The following RUFY3 variants were observed in gnomAD, a reference collection of about 807,000 sequenced individuals.
RUFY3 encodes protein RUFY3.
RUFY3 carries 34 observed loss-of-function variants against 84.0 expected under a neutral mutation model. The ratio of observed to expected loss-of-function variants is 0.40; its 90% confidence interval spans 0.31 to 0.54. RUFY3 has a LOEUF of 0.54. RUFY3 is among the 20% of genes least tolerant of loss of function. RUFY3 has a pLI of 0.39. For synonymous variants in RUFY3, 242 were observed against 252.9 expected (o/e 0.96, Z 0.41); for missense variants, 507 against 736.8 (o/e 0.69, Z 3.61).
upstream of RUFY3, chr4:70,704,136 G>A (rs1196151354): frequency 6.6e-6 from 1 of 152,220 alleles, no homozygotes; most frequent in Non-Finnish European, 1.5e-5. Context: ...TAAATTCTAA[G>A]CTGTTTGATT....
intron 1 of RUFY3, among the ~76,000 whole-genome samples, chr4:70,753,976 C>G (rs10518078): frequency 0.073 from 11,162 of 152,014 alleles, 652 homozygotes; most frequent in East Asian, 0.2. Context: ...CAAGTCCTAA[C>G]TCAGTGAAGT....
chr4:70,776,427 T>C (rs550877505), intron 7 of RUFY3, among the ~76,000 whole-genome samples: 1 of 152,348 alleles, frequency 6.6e-6, no homozygotes, highest in South Asian at 2.1e-4. Flanking sequence ...TGTCCTTAAA[T>C]GACTATGGCT....
chr4:70,775,285 G>A (rs1180983432), intron 7 of RUFY3, 52 bp downstream of exon 7: 1 of 1,226,934 alleles, frequency 8.2e-7, no homozygotes, highest in South Asian at 1.3e-5. Flanking sequence ...GAAGGAGAAG[G>A]GAAGAGTAAG....
chr4:70,802,924 A>G (rs545581480), intron 15 of RUFY3, 32 bp from the exon 16 acceptor site: 10 of 1,544,544 alleles, frequency 6.5e-6, no homozygotes, highest in East Asian at 4.5e-5. Context: ...TGAAGTTCCT[A>G]TTTGTCACAA....
intron 10 of RUFY3, among the ~76,000 whole-genome samples, chr4:70,788,289 A>G (rs1730245294): frequency 6.6e-6 from 1 of 151,854 alleles, no homozygotes; most frequent in Non-Finnish European, 1.5e-5. Context: ...TGTCTCAAAA[A>G]AAAAAAAAAA....
chr4:70,762,114 A>G (rs1453396407), intron 1 of RUFY3, among the ~76,000 whole-genome samples: 1 of 152,190 alleles, frequency 6.6e-6, no homozygotes, highest in Non-Finnish European at 1.5e-5. Flanking sequence ...TCAAGAGCTC[A>G]AGACCAGCCT....
At chr4:70,797,196 G>A (rs1442071358) in intron 14 of RUFY3, among the ~76,000 whole-genome samples, 1 of 152,040 alleles carries the variant, frequency 6.6e-6, no homozygotes, top group Admixed American at 6.6e-5. Context: ...GCCTGCCTCA[G>A]CCTCCCAAAG....
At chr4:70,770,438 T>C (rs910384430) in intron 5 of RUFY3, among the ~76,000 whole-genome samples, 2 of 152,236 alleles carry the variant, frequency 1.3e-5, no homozygotes, top group Non-Finnish European at 2.9e-5. Flanking sequence ...CTTCTATTAT[T>C]TACATCAGTG....
intron 7 of RUFY3, among the ~76,000 whole-genome samples, chr4:70,775,697 A>G (rs1341302824): frequency 6.6e-6 from 1 of 151,986 alleles, no homozygotes; most frequent in African/African-American, 2.4e-5. Flanking sequence ...TGTAGTCCCA[A>G]CACTTTGGGA....
chr4:70,804,317 G>A, intron 16 of RUFY3, 31 bp from the exon 17 acceptor site: 2 of 1,608,020 alleles, frequency 1.2e-6, no homozygotes, highest in Non-Finnish European at 1.7e-6. Context: ...CTGGCACTAA[G>A]AAAAACTAAC....
At chr4:70,741,716 C>T in intron 1 of RUFY3, 2 of 1,429,624 alleles carry the variant, frequency 1.4e-6, no homozygotes, top group Non-Finnish European at 1.8e-6. Flanking sequence ...GCTTTTTCTC[C>T]TTGCTTTTTA....
chr4:70,782,963 TG>T, intron 8 of RUFY3, 127 bp from the exon 9 acceptor site: 1 of 589,592 alleles, frequency 1.7e-6, no homozygotes, highest in Non-Finnish European at 2.9e-6. Flanking sequence ...ACATTTTTAT[TG>T]GGTTATAGCT....
At chr4:70,718,443 A>G (rs1741886022), upstream of RUFY3, among the ~76,000 whole-genome samples, 1 of 152,096 alleles carries the variant, frequency 6.6e-6, no homozygotes. Flanking sequence ...TATTTTTTGG[A>G]TCTTCATTTT....
Position 70,793,800 on chromosome 4 carries a change from G to T in RUFY3, c.1353G>T (p.Glu451Asp). ...TCACATCCAGATTGCGCCAGGCTGA[G>T]CGAAGCCGCCAATCTGCTGAGTTGG... ...KQLEQRLRQA[E>D]RSRQSAELDN... is the part of the protein sequence containing the mutation. The change falls in exon 13 of 18, where the codon GAG becomes GAT. Residue 451 changes from glutamate (E) to aspartate (D), a missense_variant. By Grantham distance (45) the Glu-to-Asp change is conservative (BLOSUM62 2). Around this residue, in one of 4 missense-constraint regions of RUFY3, gnomAD observed 334 missense variants for 364.1 expected, o/e 0.92. Coordinates refer to ENST00000381006, the MANE Select transcript of RUFY3 (RefSeq NM_001037442.4). 1 of 1,614,014 alleles carries T rather than the reference G, an allele frequency of 6.2e-7. No homozygotes were observed. Among genetic ancestry groups the T allele is most frequent in the Non-Finnish European group, 8.5e-7 (1 of 1,179,990 alleles).
intron 17 of RUFY3, among the ~76,000 whole-genome samples, chr4:70,805,610 T>C (rs1333193845): frequency 6.6e-6 from 1 of 152,192 alleles, no homozygotes; most frequent in African/African-American, 2.4e-5. Context: ...AGATAACAAA[T>C]GAACTGCCCT....
intron 1 of RUFY3, among the ~76,000 whole-genome samples, chr4:70,729,960 G>A (rs1223523001): frequency 7.2e-6 from 1 of 139,328 alleles, no homozygotes; most frequent in Non-Finnish European, 1.5e-5. Context: ...TTGAGATGGA[G>A]TCTCGCTCTT....
chr4:70,777,324 A>T (rs188708335), intron 7 of RUFY3, among the ~76,000 whole-genome samples: 2 of 152,244 alleles, frequency 1.3e-5, no homozygotes, highest in Non-Finnish European at 2.9e-5. Flanking sequence ...AGAGCTATCC[A>T]AAAGCTATTG....
At chr4:70,774,670 T>TATATATATAA (rs766227141) in intron 6 of RUFY3, among the ~76,000 whole-genome samples, 121 of 81,046 alleles carry the variant, frequency 1.5e-3, no homozygotes, top group East Asian at 0.013. Context: ...TATATATATA[T>TATATATATAA]AAAATAAACA....
chr4:70,708,878 C>CA (rs1307954315), intron 1 of RUFY3, among the ~76,000 whole-genome samples: 2 of 149,616 alleles, frequency 1.3e-5, no homozygotes, highest in Non-Finnish European at 3.0e-5. Flanking sequence ...TCTGTCTCTA[C>CA]AAAAAAAAAA....
Sources: gnomAD v4.1 joint callset for allele counts (sites outside exome capture counted in the v4.1 genomes callset) on GRCh38, gnomAD v4.1.1 for gene constraint, gnomAD v4.1.1 regional missense constraint, MANE v1.5 for transcripts, NCBI Gene and HGNC (gene_info 2026-07-23, HGNC 2026-07-21) for gene names.